Variants in FHIT observed in about 807,000 individuals in gnomAD.
The protein encoded by FHIT is fragile histidine triad diadenosine triphosphatase, also known as bis(5'-adenosyl)-triphosphatase.
Under a neutral mutation model 17.9 loss-of-function variants are expected in FHIT, and 19 were observed. The observed-to-expected ratio is 1.06, with a 90% CI of 0.74 to 1.56. FHIT has a LOEUF of 1.56. Among genes scored for constraint, FHIT ranks in the 40% most tolerant of loss-of-function variants. The pLI, the probability that FHIT is intolerant of heterozygous loss-of-function variation, is 0.00. For synonymous variants in FHIT, 81 were observed against 69.7 expected, an observed-to-expected ratio of 1.16 and a Z score of -0.81; for missense variants, 248 against 189.2, an observed-to-expected ratio of 1.31 and a Z score of -1.82.
Position 60,104,095 on chromosome 3 carries a change from C to A in FHIT, c.104-89943G>T, listed in dbSNP as rs185530712. On this transcript the variant is annotated intron_variant, in intron 5 of 9. Coordinates refer to ENST00000492590, the MANE Select transcript of FHIT (RefSeq NM_002012.4). ...TGAGGAAGGTAGACTCTTTTTAAACCATGCCACAGGCAAAAACTCAGAACT... is the reference window on the plus strand; with the variant it reads ...TGAGGAAGGTAGACTCTTTTTAAACAATGCCACAGGCAAAAACTCAGAACT... Among the ~76,000 whole-genome samples the A allele has an allele frequency of 2.6e-5, 4 of 152,260 alleles. No individual in the cohort carries two copies. The East Asian group carries it at 7.7e-4, about 29-fold the overall frequency.
intron 7 of FHIT, among the ~76,000 whole-genome samples, chr3:59,966,864 A>G (rs896878307): frequency 2.0e-5 from 3 of 152,178 alleles, no homozygotes; most frequent in African/African-American, 7.2e-5. Flanking sequence ...TTCTAAATTT[A>G]TGTAATAAAT....
intron 5 of FHIT, among the ~76,000 whole-genome samples, chr3:60,448,826 A>G (rs887661895): frequency 6.6e-6 from 1 of 152,204 alleles, no homozygotes; most frequent in Admixed American, 6.5e-5. Flanking sequence ...AACATGGTTT[A>G]TGAAATCTTT....
intron 3 of FHIT, among the ~76,000 whole-genome samples, chr3:60,838,030 T>G (rs1553744178): frequency 1.3e-5 from 2 of 152,252 alleles, no homozygotes; most frequent in African/African-American, 4.8e-5. Flanking sequence ...CAAATGTTTT[T>G]GCTATGTTTT....
intron 5 of FHIT, among the ~76,000 whole-genome samples, chr3:60,302,432 G>C (rs1320105783): frequency 2.0e-5 from 3 of 151,946 alleles, no homozygotes; most frequent in African/African-American, 7.2e-5. Context: ...TCCCGAAAAA[G>C]ACAACTAAAT....
intron 9 of FHIT, 116 bp from the exon 10 acceptor site, chr3:59,749,695 G>A (rs975978117): frequency 4.4e-5 from 10 of 228,714 alleles, no homozygotes; most frequent in Admixed American, 2.3e-4. Flanking sequence ...TTTTGGTTAC[G>A]AAGAAGTGGG....
intron 5 of FHIT, among the ~76,000 whole-genome samples, chr3:60,241,662 G>C (rs985359743): frequency 6.6e-6 from 1 of 152,072 alleles, no homozygotes; most frequent in Non-Finnish European, 1.5e-5. Flanking sequence ...ATTGCCTGGA[G>C]AGAGTTAAAT....
intron 3 of FHIT, among the ~76,000 whole-genome samples, chr3:61,007,992 G>T (rs2031560460): frequency 6.6e-6 from 1 of 152,114 alleles, no homozygotes; most frequent in South Asian, 2.1e-4. Context: ...CTCCCCATGT[G>T]ATCAGGTTAA....
chr3:60,535,907 G>T (rs971912984), intron 5 of FHIT: 1 of 151,616 alleles, frequency 6.6e-6, no homozygotes, highest in Non-Finnish European at 1.5e-5. Flanking sequence ...GAAAAAAAAT[G>T]TAGCTTACTC....
intron 4 of FHIT, among the ~76,000 whole-genome samples, chr3:60,743,947 T>G (rs1012756104): frequency 6.6e-6 from 1 of 152,146 alleles, no homozygotes; most frequent in African/African-American, 2.4e-5. Flanking sequence ...AGTTAATTAT[T>G]TGGAGCTCCC....
rs571124759 is a variant in FHIT, at chr3:60,381,485, AAAAAG to A, written c.103+155370_103+155374del. Reference sequence around the variant, plus strand: ...AAGAGCAAAACTCCATCTCAAAAAAAAAAAGAAAAGAAAAGAAAAGAAAAGATCAT... The same window carrying A: ...AAGAGCAAAACTCCATCTCAAAAAAAAAAAGAAAAGAAAAGAAAAGATCAT... On this transcript the variant is annotated intron_variant, in intron 5 of 9. Coordinates refer to ENST00000492590, the MANE Select transcript of FHIT (RefSeq NM_002012.4). Among the ~76,000 whole-genome samples, 915 of 152,158 alleles carry A rather than the reference AAAAAG, an allele frequency of 6.0e-3. 9 individuals carry two copies. The highest frequency in any genetic ancestry group is 0.019 in the African/African-American group (804 of 41,474).
intron 2 of FHIT, among the ~76,000 whole-genome samples, chr3:61,042,802 T>C (rs2033584050): frequency 6.6e-6 from 1 of 150,440 alleles, no homozygotes; most frequent in African/African-American, 2.5e-5. Context: ...ATGGTGCCAC[T>C]GCACTCCAGC....
intron 5 of FHIT, among the ~76,000 whole-genome samples, chr3:60,234,927 A>G (rs893521818): frequency 6.6e-6 from 1 of 152,152 alleles, no homozygotes; most frequent in Admixed American, 6.5e-5. Context: ...GGATAACTGT[A>G]GTTAGTTAAT....
chr3:60,005,785 C>G (rs957929177), intron 7 of FHIT, among the ~76,000 whole-genome samples: 17 of 152,186 alleles, frequency 1.1e-4, no homozygotes, highest in African/African-American at 3.4e-4. Flanking sequence ...AATCACATCT[C>G]TCTTGGAGTG....
intron 2 of FHIT, among the ~76,000 whole-genome samples, chr3:61,140,163 ACT>A (rs2037039229): frequency 6.6e-6 from 1 of 152,122 alleles, no homozygotes; most frequent in African/African-American, 2.4e-5. Context: ...TTGCCTAAAC[ACT>A]CTGAACTTAT....
intron 8 of FHIT, among the ~76,000 whole-genome samples, chr3:59,834,684 C>T (rs1317655151): frequency 6.6e-6 from 1 of 152,126 alleles, no homozygotes; most frequent in Non-Finnish European, 1.5e-5. Context: ...TCCTGAGGGG[C>T]CCTATCCTCA....
chr3:61,097,268 C>A (rs1397186546), intron 2 of FHIT, among the ~76,000 whole-genome samples: 1 of 151,956 alleles, frequency 6.6e-6, no homozygotes, highest in Non-Finnish European at 1.5e-5. Context: ...GTCCACTGAG[C>A]GAGAGCCGAA....
intron 8 of FHIT, among the ~76,000 whole-genome samples, chr3:59,864,039 C>T (rs1702523060): frequency 6.6e-6 from 1 of 152,158 alleles, no homozygotes; most frequent in South Asian, 2.1e-4. Context: ...GCACAATTTA[C>T]CATATTTGTT....
intron 2 of FHIT, among the ~76,000 whole-genome samples, chr3:61,114,578 C>A (rs2036248059): frequency 2.0e-5 from 3 of 152,140 alleles, no homozygotes; most frequent in Admixed American, 2.0e-4. Flanking sequence ...AAAAAACAAT[C>A]ATTGGTGCTT....
intron 5 of FHIT, among the ~76,000 whole-genome samples, chr3:60,478,925 A>G (rs887344165): frequency 6.6e-6 from 1 of 152,164 alleles, no homozygotes; most frequent in Non-Finnish European, 1.5e-5. Context: ...ACGCAATATA[A>G]CTATTGCTCT....
Sources: gnomAD v4.1 joint callset for allele counts (sites outside exome capture counted in the v4.1 genomes callset) on GRCh38, gnomAD v4.1.1 for gene constraint, MANE v1.5 for transcripts, NCBI Gene and HGNC (gene_info 2026-07-23, HGNC 2026-07-21) for gene names.